The following TBC1D22A variants were observed in gnomAD, a reference collection of about 807,000 sequenced individuals.
TBC1D22A encodes the protein putative GTPase activator.
TBC1D22A carries 38 observed loss-of-function variants against 60.2 expected under a neutral mutation model. The ratio of observed to expected loss-of-function variants is 0.63; its 90% confidence interval spans 0.49 to 0.83. TBC1D22A has a LOEUF of 0.83. Ranked by LOEUF, TBC1D22A falls within the 40% of genes least tolerant of loss-of-function variation. TBC1D22A has a pLI of 0.00. For synonymous variants in TBC1D22A, 302 were observed against 281.7 expected (o/e 1.07, Z -0.72); for missense variants, 628 against 701.0 (o/e 0.90, Z 1.18).
intron 11 of TBC1D22A, among the ~76,000 whole-genome samples, chr22:47,060,878 C>T (rs1044347580): frequency 3.3e-5 from 5 of 152,196 alleles, no homozygotes; most frequent in Admixed American, 6.5e-5. Context: ...CGCTCGACTC[C>T]CATCATCGGG....
intron 12 of TBC1D22A, among the ~76,000 whole-genome samples, chr22:47,159,089 A>G (rs755414853): frequency 6.6e-6 from 1 of 151,162 alleles, no homozygotes; most frequent in Non-Finnish European, 1.5e-5. Context: ...CACACCATGT[A>G]TACACACAGA....
intron 10 of TBC1D22A, among the ~76,000 whole-genome samples, chr22:47,035,294 C>T (rs916568959): frequency 2.6e-5 from 4 of 152,112 alleles, no homozygotes; most frequent in Non-Finnish European, 4.4e-5. Context: ...AGTTTGTTAC[C>T]GCAGAGGCAG....
intron 1 of TBC1D22A, among the ~76,000 whole-genome samples, chr22:46,765,757 A>C (rs1413221707): frequency 6.9e-6 from 1 of 144,064 alleles, no homozygotes; most frequent in South Asian, 2.2e-4. Context: ...GTGAGCCTCC[A>C]TGCCTGGCCT....
At chr22:47,171,546 C>T (rs1056594626) in intron 12 of TBC1D22A, among the ~76,000 whole-genome samples, 3 of 152,204 alleles carry the variant, frequency 2.0e-5, no homozygotes, top group African/African-American at 7.2e-5. Flanking sequence ...TGGGCTGGCC[C>T]TGACCTGATG....
intron 4 of TBC1D22A, among the ~76,000 whole-genome samples, chr22:46,834,429 A>G (rs959295640): frequency 3.9e-5 from 6 of 152,164 alleles, no homozygotes; most frequent in African/African-American, 1.2e-4. Context: ...GAAGAGTTTC[A>G]CTTATCCATA....
chr22:46,785,317 T>A (rs1269559113), intron 1 of TBC1D22A, among the ~76,000 whole-genome samples: 1 of 152,184 alleles, frequency 6.6e-6, no homozygotes, highest in Non-Finnish European at 1.5e-5. Flanking sequence ...ATATGGGAGA[T>A]CCTTGTGGCT....
intron 12 of TBC1D22A, among the ~76,000 whole-genome samples, chr22:47,172,921 C>T (rs1042019922): frequency 1.3e-5 from 2 of 152,254 alleles, no homozygotes; most frequent in Non-Finnish European, 2.9e-5. Flanking sequence ...CTGTGATCCC[C>T]TCGTGTGGGC....
intron 9 of TBC1D22A, among the ~76,000 whole-genome samples, chr22:46,988,108 C>G (rs911374222): frequency 3.3e-5 from 5 of 151,014 alleles, no homozygotes; most frequent in African/African-American, 1.2e-4. Flanking sequence ...CTTTTTTTTC[C>G]TCATTTGTGA....
chr22:47,086,750 G>GCT (rs1569431853), intron 11 of TBC1D22A, among the ~76,000 whole-genome samples: 1 of 152,210 alleles, frequency 6.6e-6, no homozygotes, highest in Non-Finnish European at 1.5e-5. Flanking sequence ...GGAGCACAGT[G>GCT]CGGCAGCAGG....
At chr22:47,169,253 G>T (rs111445266) in intron 12 of TBC1D22A, among the ~76,000 whole-genome samples, 1 of 151,986 alleles carries the variant, frequency 6.6e-6, no homozygotes, top group South Asian at 2.1e-4. Flanking sequence ...CACCCCCACC[G>T]GCCCTCAACT....
chr22:46,928,641 GAGA>G (rs1279951131), intron 8 of TBC1D22A, among the ~76,000 whole-genome samples: 2 of 152,092 alleles, frequency 1.3e-5, no homozygotes, highest in African/African-American at 4.8e-5. Flanking sequence ...CCCAGAATGG[GAGA>G]AGATGTTTGC....
chr22:46,939,921 A>G (rs1162214396), intron 8 of TBC1D22A, among the ~76,000 whole-genome samples: 1 of 152,238 alleles, frequency 6.6e-6, no homozygotes, highest in African/African-American at 2.4e-5. Flanking sequence ...AGGCTCAGTC[A>G]TGACAGTTGA....
At chr22:46,769,153 C>T (rs1225356602) in intron 1 of TBC1D22A, among the ~76,000 whole-genome samples, 1 of 147,998 alleles carries the variant, frequency 6.8e-6, no homozygotes, top group East Asian at 2.0e-4. Context: ...CCAAATTGAG[C>T]ATGGCAAGGA....
intron 4 of TBC1D22A, among the ~76,000 whole-genome samples, chr22:46,805,886 T>C (rs1273000295): frequency 6.6e-6 from 1 of 151,590 alleles, no homozygotes; most frequent in East Asian, 1.9e-4. Context: ...GGAGTCTTGC[T>C]CTTTCGCCCA....
chr22:47,051,618 G>A (rs776981486), intron 11 of TBC1D22A, among the ~76,000 whole-genome samples: 11 of 152,254 alleles, frequency 7.2e-5, no homozygotes, highest in East Asian at 5.8e-4. Context: ...TCAAGGGGCC[G>A]GGCCCCTGCC....
intron 8 of TBC1D22A, among the ~76,000 whole-genome samples, chr22:46,968,715 C>T (rs1031237107): frequency 3.3e-5 from 5 of 152,194 alleles, no homozygotes; most frequent in Admixed American, 2.0e-4. Flanking sequence ...GCCCATCCAT[C>T]CCACTGTTTC....
intron 12 of TBC1D22A, among the ~76,000 whole-genome samples, chr22:47,154,084 G>A (rs73481604): frequency 0.021 from 3,235 of 152,256 alleles, 119 homozygotes; most frequent in African/African-American, 0.074. Flanking sequence ...GGAAGAGGGC[G>A]CGTGGCTGGC....
At chr22:46,871,526 A>T (rs1176792921) in intron 4 of TBC1D22A, among the ~76,000 whole-genome samples, 2 of 152,264 alleles carry the variant, frequency 1.3e-5, no homozygotes, top group East Asian at 3.8e-4. Context: ...CAAATGCTTT[A>T]AATTAAAAAT....
At chr22:47,015,683 C>T (rs924814496) in intron 10 of TBC1D22A, among the ~76,000 whole-genome samples, 1 of 152,216 alleles carries the variant, frequency 6.6e-6, no homozygotes. Context: ...AGCCAGGGCC[C>T]AGCATCCAAG....
Sources: gnomAD v4.1 joint callset for allele counts (sites outside exome capture counted in the v4.1 genomes callset) on GRCh38, gnomAD v4.1.1 for gene constraint, MANE v1.5 for transcripts, NCBI Gene and HGNC (gene_info 2026-07-23, HGNC 2026-07-21) for gene names.